SPINK5: variants seen among roughly 807,000 people sequenced by gnomAD.
The protein encoded by SPINK5 is serine peptidase inhibitor Kazal type 5.
Under a neutral mutation model 151.8 loss-of-function variants are expected in SPINK5, and 125 were observed. That is an observed-to-expected ratio of 0.82 (90% CI 0.71 to 0.96). The LOEUF (loss-of-function observed/expected upper bound fraction) is 0.96. Ranked by LOEUF, SPINK5 falls within the 40% of genes least tolerant of loss-of-function variation. The pLI is 0.00. For synonymous variants in SPINK5, 374 were observed against 395.3 expected (o/e 0.95, Z 0.64); for missense variants, 1,194 against 1,291.9 (o/e 0.92, Z 1.16).
chr5:148,100,607 T>C (rs1287865083), intron 13 of SPINK5, 26 bp downstream of exon 13: 6 of 1,611,166 alleles, frequency 3.7e-6, no homozygotes, highest in Middle Eastern at 1.7e-4. Context: ...GCTGGGAACA[T>C]GGAGGAATGA....
intron 8 of SPINK5, among the ~76,000 whole-genome samples, 193 bp from the exon 9 acceptor site, chr5:148,094,161 T>G (rs573855820): frequency 1.3e-5 from 2 of 151,910 alleles, no homozygotes; most frequent in Non-Finnish European, 2.9e-5. Context: ...CCGGGTGTGG[T>G]GGTGCATGTC....
rs150114867 is a variant in SPINK5, at chr5:148,105,763, C to T, written c.1479+763C>T. Among the ~76,000 whole-genome samples, 48 of 150,590 alleles carry T rather than the reference C, an allele frequency of 3.2e-4. No individual in the cohort carries two copies. The East Asian group carries it at 3.3e-3, about 10-fold the overall frequency. On this transcript the variant is annotated intron_variant, in intron 16 of 32. Coordinates refer to ENST00000256084, the MANE Select transcript of SPINK5 (RefSeq NM_006846.4). The stretch of plus-strand genomic sequence containing the variant: ...TCTCTAATAGCTGGGATTACAGGCA[C>T]GTGCCACAATGCCCAGCTAATTTTT...
intron 30 of SPINK5, among the ~76,000 whole-genome samples, chr5:148,128,236 A>C (rs62387547): frequency 6.6e-6 from 1 of 151,646 alleles, no homozygotes; most frequent in Non-Finnish European, 1.5e-5. Context: ...TTTTTTTTAA[A>C]TACTAAAGTA....
In SPINK5 at chr5:148,123,824, T is replaced by A; in HGVS notation, c.2539-9T>A. The A allele has an allele frequency of 6.2e-7, 1 of 1,613,956 alleles. No homozygotes were observed. Among genetic ancestry groups the A allele is most frequent in the Non-Finnish European group, 8.5e-7 (1 of 1,179,966 alleles). On this transcript the variant is annotated splice_polypyrimidine_tract_variant and intron_variant, in intron 26 of 32. Transcript: ENST00000256084. ...TGACAGTAACAACTTTTTCTGCTAC[T>A]GTTGGTAGGATCTGTGTCGTGAATT...
chr5:148,121,513 A>G (rs1340561858), intron 26 of SPINK5, among the ~76,000 whole-genome samples: 1 of 152,104 alleles, frequency 6.6e-6, no homozygotes, highest in Admixed American at 6.5e-5. Flanking sequence ...TTGAGAAAAT[A>G]ACCTTATTGC....
chr5:148,116,507 A>C, intron 22 of SPINK5, 41 bp downstream of exon 22: 1 of 1,580,120 alleles, frequency 6.3e-7, no homozygotes, highest in Non-Finnish European at 8.7e-7. Context: ...GGCGGGCTCA[A>C]CTCCTTGACA....
chr5:148,104,969 C>T lies in SPINK5; in HGVS notation c.1448C>T (p.Ala483Val). The T allele has an allele frequency of 6.2e-7, 1 of 1,613,684 alleles. No individual in the cohort carries two copies. The highest frequency in any genetic ancestry group is 1.1e-5 in the South Asian group (1 of 91,030). The change falls in exon 16 of 33, where the codon GCA becomes GTA. Residue 483 changes from alanine to valine, a missense_variant. Ala to Val is a moderately conservative substitution (Grantham distance 64). Transcript: ENST00000256084. ...TCTTAAAGTCAACAAGAAGAAAGAG[C>T]AAGAGCAAAGGCTAAAAGAGAAGCT... ...CEAFFQQEER[A>V]RAKAKREAAK... is the part of the protein sequence containing the mutation.
chr5:148,130,376 G>A (rs1754540666), intron 30 of SPINK5, among the ~76,000 whole-genome samples: 2 of 151,576 alleles, frequency 1.3e-5, no homozygotes, highest in South Asian at 4.2e-4. Context: ...TCTTCCAGTT[G>A]GATAATTTCT....
intron 31 of SPINK5, among the ~76,000 whole-genome samples, chr5:148,131,606 A>G (rs1754575387): frequency 6.6e-6 from 1 of 152,184 alleles, no homozygotes; most frequent in Non-Finnish European, 1.5e-5. Context: ...CTACATTGTT[A>G]TATGCTCTAC....
At chr5:148,100,062 C>CT (rs937947076) in intron 12 of SPINK5, among the ~76,000 whole-genome samples, 3 of 151,958 alleles carry the variant, frequency 2.0e-5, no homozygotes, top group Non-Finnish European at 4.4e-5. Context: ...TCCCAATTCA[C>CT]TTTTTTTTGC....
intron 11 of SPINK5, 136 bp downstream of exon 11, chr5:148,098,130 A>G (rs1487782522): frequency 1.7e-5 from 14 of 844,862 alleles, no homozygotes; most frequent in Non-Finnish European, 2.5e-5. Context: ...GGAAAATATC[A>G]GTGATAGAGC....
intron 2 of SPINK5, among the ~76,000 whole-genome samples, chr5:148,068,649 C>A (rs578194796): frequency 6.7e-6 from 1 of 149,378 alleles, no homozygotes; most frequent in Admixed American, 6.7e-5. Context: ...TAAATAGAAA[C>A]CTTTAATAAA....
intron 2 of SPINK5, among the ~76,000 whole-genome samples, chr5:148,065,651 AAAAT>A (rs1363999400): frequency 3.3e-5 from 5 of 152,196 alleles, no homozygotes; most frequent in African/African-American, 4.8e-5. Context: ...TCATAAACAA[AAAAT>A]AAATCAACTG....
In SPINK5 at chr5:148,111,765, CA is replaced by C. The variant is rs776464297; in HGVS notation, c.1693-2del. ...TAAAACCTGCTTCTGCTTCATTTGG[CA>C]GGAGCTGTGCAGTGAATATCGTCAT... is the stretch of plus-strand genomic sequence containing the variant. On this transcript the variant is annotated splice_acceptor_variant, in intron 18 of 32. Transcript: ENST00000256084. LOFTEE classifies it high-confidence loss of function. The C allele has an allele frequency of 1.2e-6, 2 of 1,613,938 alleles. No individual in the cohort carries two copies. The highest frequency in any genetic ancestry group is 4.5e-5 in the East Asian group (2 of 44,882).
intron 2 of SPINK5, among the ~76,000 whole-genome samples, chr5:148,068,059 A>G (rs533798830): frequency 4.6e-5 from 7 of 152,134 alleles, no homozygotes; most frequent in Admixed American, 2.6e-4. Flanking sequence ...CTCTGATTCT[A>G]CTATATGGAT....
chr5:148,102,501 C>T (rs530450563), intron 15 of SPINK5, among the ~76,000 whole-genome samples: 1 of 152,072 alleles, frequency 6.6e-6, no homozygotes, highest in Admixed American at 6.6e-5. Flanking sequence ...TTAATATGTA[C>T]AATTATTATA....
intron 26 of SPINK5, among the ~76,000 whole-genome samples, chr5:148,122,865 A>ATTTTT (rs1754306923): frequency 3.8e-5 from 2 of 52,166 alleles, no homozygotes; most frequent in African/African-American, 1.7e-4. Flanking sequence ...CTCGCACAAT[A>ATTTTT]ATTTTTTTTT....
At chr5:148,130,646 T>C (rs1754547631) in intron 30 of SPINK5, among the ~76,000 whole-genome samples, 1 of 152,144 alleles carries the variant, frequency 6.6e-6, no homozygotes, top group Non-Finnish European at 1.5e-5. Context: ...GAAAACATAC[T>C]AACAACTAAA....
At chr5:148,122,364 T>C (rs1754292900) in intron 26 of SPINK5, among the ~76,000 whole-genome samples, 1 of 152,212 alleles carries the variant, frequency 6.6e-6, no homozygotes, top group Non-Finnish European at 1.5e-5. Flanking sequence ...TTTAAAATGC[T>C]GCAATTAAAA....
Sources: allele counts gnomAD v4.1 joint callset (sites outside exome capture counted in the v4.1 genomes callset), GRCh38; gene constraint gnomAD v4.1.1; transcripts MANE v1.5; gene names NCBI Gene and HGNC (gene_info 2026-07-23, HGNC 2026-07-21).